IL19: variants seen among roughly 807,000 people sequenced by gnomAD.
The protein encoded by IL19 is interleukin 19, also known as interleukin-19.
Under a neutral mutation model 19.5 loss-of-function variants are expected in IL19, and 15 were observed. The ratio of observed to expected loss-of-function variants is 0.77; its 90% CI spans 0.52 to 1.19. IL19 has a LOEUF of 1.19. IL19 is among the 50% of genes most tolerant of loss of function. The pLI, the probability that IL19 is intolerant of heterozygous loss-of-function variation, is 0.00. For missense variants in IL19, 199 were observed against 213.1 expected, an observed-to-expected ratio of 0.93 and a Z score of 0.41; for synonymous variants, 78 against 78.3, an observed-to-expected ratio of 1.00 and a Z score of 0.02.
chr1:206,787,609 C>T (rs1675297349), intron 1 of IL19, among the ~76,000 whole-genome samples: 1 of 152,204 alleles, frequency 6.6e-6, no homozygotes, highest in Admixed American at 6.5e-5. Flanking sequence ...ATGTCTTCCA[C>T]CTTCAATGAG....
At chr1:206,774,411 G>T (rs1301150558) in intron 1 of IL19, among the ~76,000 whole-genome samples, 4 of 152,214 alleles carry the variant, frequency 2.6e-5, no homozygotes, top group African/African-American at 4.8e-5. Context: ...ACCAGGACCT[G>T]GGTTTCCCCT....
At chr1:206,814,690 TCACACACACACACA>T (rs34474731) in intron 2 of IL19, among the ~76,000 whole-genome samples, 5 of 140,468 alleles carry the variant, frequency 3.6e-5, no homozygotes, top group South Asian at 2.3e-4. Flanking sequence ...TGAAACTCTG[TCACACACACACACA>T]CACACACACA....
intron 2 of IL19, among the ~76,000 whole-genome samples, chr1:206,827,248 G>C (rs1272632866): frequency 6.6e-6 from 1 of 152,120 alleles, no homozygotes; most frequent in East Asian, 1.9e-4. Flanking sequence ...TTAATGAATA[G>C]AAATATTATT....
chr1:206,778,584 G>A (rs1418475666), intron 1 of IL19, among the ~76,000 whole-genome samples: 5 of 152,170 alleles, frequency 3.3e-5, no homozygotes, highest in Admixed American at 3.3e-4. Context: ...AGGGTCCCAT[G>A]ACTAAAAAAG....
At chr1:206,828,714 T>C (rs1676504587) in intron 2 of IL19, among the ~76,000 whole-genome samples, 1 of 152,232 alleles carries the variant, frequency 6.6e-6, no homozygotes. Context: ...AAGATTTTTT[T>C]TTCTGGATTT....
chr1:206,776,909 CAAAAAAAAAA>C (rs1186364224), intron 1 of IL19, among the ~76,000 whole-genome samples: 39 of 50,472 alleles, frequency 7.7e-4, no homozygotes, highest in African/African-American at 1.7e-3. Context: ...CTTGCAACTA[CAAAAAAAAAA>C]AAAAAAAAAA....
At chr1:206,797,042 G>A (rs1675540677) in intron 1 of IL19, among the ~76,000 whole-genome samples, 1 of 152,190 alleles carries the variant, frequency 6.6e-6, no homozygotes, top group South Asian at 2.1e-4. Flanking sequence ...AGACTTGGAG[G>A]AAGAAGAACC....
intron 1 of IL19, among the ~76,000 whole-genome samples, chr1:206,772,003 C>T (rs1177967998): frequency 6.6e-6 from 1 of 152,188 alleles, no homozygotes; most frequent in African/African-American, 2.4e-5. Flanking sequence ...GTATAGAGCG[C>T]CAGCAGGATC....
At chr1:206,833,971 G>C (rs1050555904) in intron 2 of IL19, 98 of 985,494 alleles carry the variant, frequency 9.9e-5, no homozygotes, top group Non-Finnish European at 1.2e-4. Flanking sequence ...TGGGCTGGCT[G>C]CTGCAGGGTG....
intron 2 of IL19, among the ~76,000 whole-genome samples, chr1:206,811,998 T>C (rs1286347328): frequency 2.6e-5 from 4 of 152,208 alleles, no homozygotes; most frequent in African/African-American, 4.8e-5. Context: ...AATGGGTTTA[T>C]GCCCATGGAA....
At chr1:206,837,954 C>A (rs1676857583) in intron 4 of IL19, among the ~76,000 whole-genome samples, 2 of 152,142 alleles carry the variant, frequency 1.3e-5, no homozygotes, top group Middle Eastern at 3.2e-3. Flanking sequence ...TTGGGAGCTC[C>A]CAGTGCTCAG....
At chr1:206,807,961 G>A (rs1675892052) in intron 2 of IL19, among the ~76,000 whole-genome samples, 1 of 152,194 alleles carries the variant, frequency 6.6e-6, no homozygotes, top group African/African-American at 2.4e-5. Context: ...TTAAAAAATG[G>A]AGCAGAAAGC....
chr1:206,841,523 C>T (rs552078477), intron 6 of IL19, among the ~76,000 whole-genome samples: 1 of 152,216 alleles, frequency 6.6e-6, no homozygotes. Context: ...ATGCACATCT[C>T]ACGTGGAGGT....
chr1:206,819,679 A>G (rs11799303), intron 2 of IL19, among the ~76,000 whole-genome samples: 2,733 of 152,262 alleles, frequency 0.018, 38 homozygotes, highest in Middle Eastern at 0.058. Context: ...TGGAGAGTTC[A>G]GATTATAGAA....
intron 2 of IL19, among the ~76,000 whole-genome samples, chr1:206,833,356 G>A (rs181573397): frequency 1.3e-4 from 20 of 152,328 alleles, no homozygotes; most frequent in African/African-American, 4.8e-4. Context: ...AAACTGGCTT[G>A]TTTCAGGATT....
intron 1 of IL19, among the ~76,000 whole-genome samples, chr1:206,771,742 G>C (rs1166617473): frequency 6.6e-6 from 1 of 152,198 alleles, no homozygotes; most frequent in Non-Finnish European, 1.5e-5. Context: ...GGGGCCTTGA[G>C]CCCCCCTCAT....
At chr1:206,820,392 C>G (rs944209413) in intron 2 of IL19, among the ~76,000 whole-genome samples, 1 of 152,102 alleles carries the variant, frequency 6.6e-6, no homozygotes, top group Non-Finnish European at 1.5e-5. Context: ...ATATTTGGAG[C>G]CTAAAGACCT....
At chr1:206,808,085 C>G (rs1039169606) in intron 2 of IL19, among the ~76,000 whole-genome samples, 45 of 152,186 alleles carry the variant, frequency 3.0e-4, no homozygotes, top group Middle Eastern at 6.4e-3. Flanking sequence ...AATCCCAACA[C>G]TTTGGGAGGC....
intron 2 of IL19, among the ~76,000 whole-genome samples, chr1:206,826,038 C>A (rs1676427233): frequency 6.6e-6 from 1 of 152,146 alleles, no homozygotes; most frequent in Non-Finnish European, 1.5e-5. Context: ...ACGGTCTCAG[C>A]CCTCCTCCAC....
Sources: gnomAD v4.1 joint callset for allele counts (sites outside exome capture counted in the v4.1 genomes callset) on GRCh38, gnomAD v4.1.1 for gene constraint, MANE v1.5 for transcripts, NCBI Gene and HGNC (gene_info 2026-07-23, HGNC 2026-07-21) for gene names.